The following RAD52 variants were observed in gnomAD, a reference collection of about 807,000 sequenced individuals.
RAD52 encodes RAD52 DNA repair protein.
RAD52 carries 47 observed loss-of-function variants against 55.5 expected under a neutral mutation model. The ratio of observed to expected loss-of-function variants is 0.85; its 90% CI spans 0.67 to 1.08. The LOEUF (loss-of-function observed/expected upper bound fraction) is 1.08. Among genes scored for constraint, RAD52 ranks in the 50% least tolerant of loss-of-function variants. The pLI, the probability that RAD52 is intolerant of heterozygous loss-of-function variation, is 0.00. For missense variants in RAD52, 468 were observed against 522.8 expected, an observed-to-expected ratio of 0.90 and a Z score of 1.02; for synonymous variants, 184 against 198.9, an observed-to-expected ratio of 0.92 and a Z score of 0.63.
chr12:927,154 C>T lies in RAD52; in HGVS notation c.458G>A (p.Arg153Gln), dbSNP rs777252689. The T allele has an allele frequency of 5.6e-6, 9 of 1,613,736 alleles. No individual in the cohort carries two copies. The highest frequency in any genetic ancestry group is 1.3e-5 in the African/African-American group (1 of 74,904). ...RKEAVTDGLK[R>Q]ALRSFGNALG... ...CCAGCCCCGCGCTCACCTGAGGGCT[C>T]GCTTCAGCCCGTCTGTCACCGCCTC... is the stretch of plus-strand genomic sequence containing the variant. The change falls in exon 6 of 12, where the codon CGA becomes CAA. Residue 153 changes from arginine (R) to glutamine (Q), a missense_variant. Transcript: ENST00000358495.
chr12:927,217 A>C lies in RAD52; in HGVS notation c.395T>G (p.Leu132Arg). The C allele has an allele frequency of 1.2e-6, 2 of 1,614,116 alleles. No individual in the cohort carries two copies. The change falls in exon 6 of 12, where the codon CTC becomes CGC. Residue 132 changes from leucine to arginine, a missense_variant. Physicochemically the swap from Leu to Arg is moderately radical, Grantham distance 102. Transcript: ENST00000358495. ...CTCCAAAGATAAAGCCTTGGACTTG[A>C]GGCCCTCACTAACACCATAACCAAC... is the stretch of plus-strand genomic sequence containing the variant. ...EDVGYGVSEGLKSKALSLEKA... is the reference protein window; with the variant it reads ...EDVGYGVSEGRKSKALSLEKA...
intron 1 of RAD52, among the ~76,000 whole-genome samples, chr12:934,910 C>T (rs1336006887): frequency 1.3e-5 from 2 of 151,980 alleles, no homozygotes; most frequent in Admixed American, 1.3e-4. Flanking sequence ...GTCAGGAGTT[C>T]GAGATCAGCC....
chr12:971,505 T>G (rs926083337), intron 1 of RAD52, among the ~76,000 whole-genome samples: 1 of 152,102 alleles, frequency 6.6e-6, no homozygotes, highest in African/African-American at 2.4e-5. Context: ...CATGGTCAGA[T>G]CACAGCCAAA....
At chr12:965,937 G>A (rs751478287) in intron 1 of RAD52, among the ~76,000 whole-genome samples, 2 of 152,042 alleles carry the variant, frequency 1.3e-5, no homozygotes, top group African/African-American at 2.4e-5. Context: ...TCCCGCCTTG[G>A]CCTCCCAAAG....
chr12:914,648 CT>C, intron 9 of RAD52, 116 bp from the exon 10 acceptor site: 1 of 1,242,276 alleles, frequency 8.0e-7, no homozygotes, highest in Non-Finnish European at 1.1e-6. Flanking sequence ...CACAACACCG[CT>C]TAGGGCTGCG....
chr12:917,180 G>A (rs990135337), intron 7 of RAD52, among the ~76,000 whole-genome samples: 4 of 152,140 alleles, frequency 2.6e-5, no homozygotes, highest in Admixed American at 2.6e-4. Context: ...CTTTCTGCCA[G>A]GGCCACCCCT....
In RAD52 at chr12:982,735, G is replaced by A. The variant is rs374513282; in HGVS notation, c.-19+7074C>T. Among the ~76,000 whole-genome samples the A allele has an allele frequency of 3.5e-3, 497 of 141,656 alleles. 7 individuals are homozygous for A. The highest frequency in any genetic ancestry group is 0.025 in the South Asian group (113 of 4,502). 92.9% of individuals were successfully genotyped at this position (141,656 alleles called of 152,430 possible). On this transcript the variant is annotated intron_variant, in intron 1 of 11. Transcript: ENST00000430095. ...GGCTGGAGCGCAGTGGTGGGATCAC[G>A]GCTCATTGCAGCCTCGACCTCCCAG...
chr12:970,127 C>A (rs59210414), intron 1 of RAD52, among the ~76,000 whole-genome samples: 1 of 151,522 alleles, frequency 6.6e-6, no homozygotes, highest in Non-Finnish European at 1.5e-5. Flanking sequence ...GTCCAACATG[C>A]GAAACCCTGT....
At chr12:970,148 A>G (rs1413035947) in intron 1 of RAD52, among the ~76,000 whole-genome samples, 1 of 151,884 alleles carries the variant, frequency 6.6e-6, no homozygotes, top group Non-Finnish European at 1.5e-5. Flanking sequence ...CTCTACTAAA[A>G]ATACAAAAAT....
chr12:913,286 C>G lies in RAD52; in HGVS notation c.*105G>C. 1.2e-6 allele frequency: 1 copy of G among 854,486 alleles called. No individual in the cohort carries two copies. Among genetic ancestry groups the G allele is most frequent in the Non-Finnish European group, 1.9e-6 (1 of 526,356 alleles). 52.9% of individuals were successfully genotyped at this position (854,486 alleles called of 1,614,324 possible). A position where few individuals can be genotyped will look rare whatever the true frequency, so the allele number is the denominator to read the frequency against. ...AGGTTCAGAATGAAGCAAGATAAAT[C>G]GCAATGACGTTCATTCTCCAGCAGC... On this transcript the variant is annotated 3_prime_UTR_variant, in exon 12 of 12. Transcript: ENST00000358495.
At chr12:942,141 T>C (rs1194958176) in intron 1 of RAD52, among the ~76,000 whole-genome samples, 2 of 152,102 alleles carry the variant, frequency 1.3e-5, no homozygotes, top group African/African-American at 2.4e-5. Flanking sequence ...ATTTAGAATA[T>C]TCACATCAAG....
chr12:981,824 T>C (rs1006871465), intron 1 of RAD52, among the ~76,000 whole-genome samples: 79 of 65,124 alleles, frequency 1.2e-3, no homozygotes, highest in Middle Eastern at 8.2e-3. Context: ...GCAAGGCAAA[T>C]TCTGTTGAAC....
chr12:977,142 G>A (rs1316530693), intron 1 of RAD52: 2 of 152,212 alleles, frequency 1.3e-5, no homozygotes, highest in Non-Finnish European at 2.9e-5. Flanking sequence ...AAGGAACCAA[G>A]CAGGCAACTC....
At chr12:957,731 A>C (rs907807814) in intron 1 of RAD52, among the ~76,000 whole-genome samples, 1 of 152,202 alleles carries the variant, frequency 6.6e-6, no homozygotes, top group East Asian at 1.9e-4. Context: ...CGGAGGTTGC[A>C]GTGAGTGGAG....
chr12:914,391 C>T (rs1592305636), intron 10 of RAD52, 40 bp downstream of exon 10: 1 of 1,607,564 alleles, frequency 6.2e-7, no homozygotes, highest in Non-Finnish European at 8.5e-7. Flanking sequence ...CTACTAGAAA[C>T]ATACAGCACA....
intron 2 of RAD52, 56 bp downstream of exon 2, chr12:932,919 C>A: frequency 1.3e-6 from 2 of 1,542,802 alleles, no homozygotes; most frequent in Non-Finnish European, 1.8e-6. Context: ...AACTGCCTTG[C>A]CCTAACTTTA....
At position 912,232 on chromosome 12, in the gene RAD52, G is replaced by GA; in HGVS notation, c.*1158dup. On this transcript the variant is annotated 3_prime_UTR_variant, in exon 12 of 12. Coordinates refer to ENST00000358495, the MANE Select transcript of RAD52 (RefSeq NM_134424.4). ...GAGCACTGACGTGATGCCAGAAGTG[G>GA]AAAATTCCACACGTGACCTCGTGTG... 1 of 196,118 alleles carries GA rather than the reference G, an allele frequency of 5.1e-6. No individual in the cohort carries two copies. The highest frequency in any genetic ancestry group is 7.9e-5 in the East Asian group (1 of 12,674). 12.1% of individuals were successfully genotyped at this position (196,118 alleles called of 1,614,324 possible). A position where few individuals can be genotyped will look rare whatever the true frequency, so the allele number is the denominator to read the frequency against.
chr12:972,137 A>G (rs1312872771), intron 1 of RAD52, among the ~76,000 whole-genome samples: 3 of 152,174 alleles, frequency 2.0e-5, no homozygotes, highest in Non-Finnish European at 4.4e-5. Context: ...TTGTTTATGT[A>G]TACATTCAGG....
At chr12:988,881 C>A (rs1438051453) in intron 1 of RAD52, among the ~76,000 whole-genome samples, 1 of 147,758 alleles carries the variant, frequency 6.8e-6, no homozygotes, top group Non-Finnish European at 1.5e-5. Flanking sequence ...TACTATCACA[C>A]TGGGAATCAA....
Sources: gnomAD v4.1 joint callset for allele counts (sites outside exome capture counted in the v4.1 genomes callset) on GRCh38, gnomAD v4.1.1 for gene constraint, MANE v1.5 for transcripts, NCBI Gene and HGNC (gene_info 2026-07-23, HGNC 2026-07-21) for gene names.